The following CCDC30 variants were observed in gnomAD, a reference collection of about 807,000 sequenced individuals.
CCDC30 encodes coiled-coil domain-containing protein 30.
A neutral mutation model predicts 100.2 loss-of-function variants in CCDC30; 70 were observed. The observed-to-expected ratio is 0.70, with a 90% CI of 0.58 to 0.85. The LOEUF (loss-of-function observed/expected upper bound fraction) is 0.85. Among genes scored for constraint, CCDC30 ranks in the 40% least tolerant of loss-of-function variants. The pLI, the probability that CCDC30 is intolerant of heterozygous loss-of-function variation, is 0.00. For missense variants in CCDC30, 652 were observed against 771.2 expected (o/e 0.85, Z 1.83); for synonymous variants, 233 against 269.5 (o/e 0.86, Z 1.33).
intron 11 of CCDC30, among the ~76,000 whole-genome samples, chr1:42,617,608 G>A (rs1390445938): frequency 2.0e-5 from 3 of 152,148 alleles, no homozygotes; most frequent in African/African-American, 7.2e-5. Context: ...GTGGGTAGGG[G>A]GTTAGAAAGT....
upstream of CCDC30, chr1:42,459,430 G>A: frequency 1.6e-6 from 1 of 644,748 alleles, no homozygotes; most frequent in South Asian, 2.1e-5. Flanking sequence ...CAAAGTGCTG[G>A]GATTACAGGC....
intron 10 of CCDC30, chr1:42,592,050 C>T (rs1284400974): frequency 6.6e-6 from 1 of 152,234 alleles, no homozygotes; most frequent in African/African-American, 2.4e-5. Context: ...TGTACTACCA[C>T]TGTATCTTGG....
At chr1:42,543,306 C>CCCTT (rs1444631561) in intron 6 of CCDC30, among the ~76,000 whole-genome samples, 1 of 151,186 alleles carries the variant, frequency 6.6e-6, no homozygotes, top group African/African-American at 2.4e-5. Flanking sequence ...TTCCCTCCCT[C>CCCTT]CCTTCCTTCC....
At chr1:42,482,863 A>G in intron 3 of CCDC30, 47 bp downstream of exon 3, 2 of 1,171,374 alleles carry the variant, frequency 1.7e-6, no homozygotes, top group South Asian at 4.3e-5. Flanking sequence ...CTTTAACTGT[A>G]CTGATCTCAT....
At chr1:42,642,365 A>C in intron 12 of CCDC30, 108 bp from the exon 17 acceptor site, 1 of 1,029,330 alleles carries the variant, frequency 9.7e-7, no homozygotes, top group Non-Finnish European at 1.3e-6. Flanking sequence ...GACAGGAAAA[A>C]AAAAGTAAAT....
chr1:42,577,108 A>G, exon 8 of CCDC30: 4 of 1,614,136 alleles, frequency 2.5e-6, no homozygotes, highest in Non-Finnish European at 3.4e-6. Flanking sequence ...AAGCACTGTC[A>G]GCAGAAAATC....
intron 11 of CCDC30, among the ~76,000 whole-genome samples, chr1:42,630,602 G>A (rs139129328): frequency 0.024 from 3,604 of 151,730 alleles, 120 homozygotes; most frequent in African/African-American, 0.078. Context: ...GGCTGTTCTC[G>A]AACTCCTGAC....
chr1:42,493,985 G>T (rs145513448), intron 4 of CCDC30, among the ~76,000 whole-genome samples: 1 of 152,110 alleles, frequency 6.6e-6, no homozygotes, highest in African/African-American at 2.4e-5. Context: ...AGGCCAAGGG[G>T]GGTGAATCAC....
intron 6 of CCDC30, among the ~76,000 whole-genome samples, chr1:42,531,520 G>T (rs184052081): frequency 1.3e-3 from 201 of 152,220 alleles, no homozygotes; most frequent in African/African-American, 3.9e-3. Context: ...TAGCATTTTG[G>T]AAGGCCAAGG....
chr1:42,509,308 A>G (rs59564485), intron 6 of CCDC30, among the ~76,000 whole-genome samples: 2,193 of 152,276 alleles, frequency 0.014, 52 homozygotes, highest in African/African-American at 0.051. Context: ...AGACCAAGAA[A>G]CTAGTCACAA....
chr1:42,460,927 G>T (rs114851026), upstream of CCDC30, among the ~76,000 whole-genome samples: 6 of 152,192 alleles, frequency 3.9e-5, no homozygotes, highest in East Asian at 9.6e-4. Context: ...TTACACCACT[G>T]CCCTGCTTAA....
chr1:42,479,878 T>G (rs951275956), intron 1 of CCDC30, among the ~76,000 whole-genome samples: 4 of 152,154 alleles, frequency 2.6e-5, no homozygotes, highest in Non-Finnish European at 4.4e-5. Context: ...GATTGGCTTG[T>G]CTGGAAAATT....
chr1:42,545,772 C>A (rs528174222), intron 6 of CCDC30, among the ~76,000 whole-genome samples, 193 bp downstream of exon 9: 116 of 151,572 alleles, frequency 7.7e-4, no homozygotes, highest in African/African-American at 2.8e-3. Context: ...CATGGCAAAC[C>A]CCATCTCTAC....
chr1:42,558,815 T>C (rs1419722350), intron 6 of CCDC30, among the ~76,000 whole-genome samples: 1 of 152,040 alleles, frequency 6.6e-6, no homozygotes, highest in Non-Finnish European at 1.5e-5. Flanking sequence ...AGATACTCCA[T>C]GAGAAGATCA....
chr1:42,649,502 T>A (rs1216864389), intron 15 of CCDC30, among the ~76,000 whole-genome samples: 1 of 152,160 alleles, frequency 6.6e-6, no homozygotes, highest in East Asian at 1.9e-4. Flanking sequence ...TTATACTCAA[T>A]GGAGAAAAGT....
At chr1:42,507,358 G>A (rs1271715327) in intron 6 of CCDC30, among the ~76,000 whole-genome samples, 1 of 152,188 alleles carries the variant, frequency 6.6e-6, no homozygotes, top group Admixed American at 6.5e-5. Flanking sequence ...CAACTTTGCT[G>A]TGCTTTTATT....
chr1:42,503,838 C>G (rs746390656), intron 6 of CCDC30, among the ~76,000 whole-genome samples: 5 of 152,238 alleles, frequency 3.3e-5, no homozygotes, highest in African/African-American at 4.8e-5. Context: ...CTTATTCCCC[C>G]CTCAGGAGTG....
intron 8 of CCDC30, among the ~76,000 whole-genome samples, chr1:42,579,801 G>T (rs979432288): frequency 2.6e-5 from 4 of 152,030 alleles, no homozygotes; most frequent in African/African-American, 4.8e-5. Context: ...TTCAAGACCA[G>T]CCTGAGCAAC....
intron 6 of CCDC30, 32 bp downstream of exon 7, chr1:42,536,633 C>A: frequency 7.1e-7 from 1 of 1,411,038 alleles, no homozygotes; most frequent in Non-Finnish European, 9.9e-7. Context: ...TTTTCTTCTT[C>A]TTGTAGTTCT....
Sources: gnomAD v4.1 joint callset for allele counts (sites outside exome capture counted in the v4.1 genomes callset) on GRCh38, gnomAD v4.1.1 for gene constraint, MANE v1.5 for transcripts, NCBI Gene and HGNC (gene_info 2026-07-23, HGNC 2026-07-21) for gene names.